The following PKN2 variants were observed in gnomAD, a reference collection of about 807,000 sequenced individuals.
PKN2 encodes serine/threonine-protein kinase N2.
Under a neutral mutation model 119.1 loss-of-function variants are expected in PKN2, and 38 were observed. The observed-to-expected ratio is 0.32, with a 90% CI of 0.25 to 0.42. The LOEUF (loss-of-function observed/expected upper bound fraction) is 0.42. Ranked by LOEUF, PKN2 falls within the 10% of genes least tolerant of loss-of-function variation. The pLI is 1.00. For synonymous variants in PKN2, 390 were observed against 384.9 expected (o/e 1.01, Z -0.15); for missense variants, 850 against 1,165.1 (o/e 0.73, Z 3.94).
At chr1:88,700,647 T>C (rs1474272057) in intron 1 of PKN2, among the ~76,000 whole-genome samples, 3 of 152,220 alleles carry the variant, frequency 2.0e-5, no homozygotes, top group African/African-American at 7.2e-5. Flanking sequence ...TTGTTGAACC[T>C]AAGCGTAAAA....
At position 88,720,210 on chromosome 1, in the gene PKN2, G is replaced by A. The variant is rs114041150; in HGVS notation, c.49-20778G>A. ...TAATTTTTGCAATTTTTGTAGAGAC[G>A]AGGTTTCACCATGTTGCCCAGGCTG... On this transcript the variant is annotated intron_variant, in intron 1 of 21. Transcript: ENST00000370521. 4.8e-3 allele frequency among the ~76,000 whole-genome samples: 730 copies of A among 152,130 alleles called. 3 individuals carry two copies. The highest frequency in any genetic ancestry group is 0.017 in the African/African-American group (685 of 41,500).
intron 1 of PKN2, among the ~76,000 whole-genome samples, chr1:88,722,083 A>G (rs564054253): frequency 1.3e-5 from 2 of 152,340 alleles, no homozygotes; most frequent in East Asian, 3.9e-4. Context: ...GGTAGGCTCT[A>G]GTACTTGTCT....
At chr1:88,749,977 A>T (rs1421000127) in intron 2 of PKN2, among the ~76,000 whole-genome samples, 1 of 152,194 alleles carries the variant, frequency 6.6e-6, no homozygotes, top group Non-Finnish European at 1.5e-5. Context: ...ATAAAGACCA[A>T]AGGTTATATC....
At chr1:88,814,119 T>A (rs1430792930) in intron 16 of PKN2, among the ~76,000 whole-genome samples, 1 of 152,152 alleles carries the variant, frequency 6.6e-6, no homozygotes, top group Non-Finnish European at 1.5e-5. Context: ...ATCATATATT[T>A]ATATAAAATA....
At chr1:88,700,595 A>G (rs1041967267) in intron 1 of PKN2, among the ~76,000 whole-genome samples, 2 of 152,158 alleles carry the variant, frequency 1.3e-5, no homozygotes, top group Admixed American at 1.3e-4. Context: ...TTAACATTAG[A>G]TCATTCCCTT....
intron 16 of PKN2, among the ~76,000 whole-genome samples, chr1:88,818,154 G>T (rs1485531280): frequency 6.6e-6 from 1 of 152,146 alleles, no homozygotes; most frequent in Non-Finnish European, 1.5e-5. Flanking sequence ...CAGCTTACAA[G>T]GGATGTGAAG....
At chr1:88,827,641 C>CCCCTA (rs1206353633) in intron 18 of PKN2, among the ~76,000 whole-genome samples, 24 of 115,294 alleles carry the variant, frequency 2.1e-4, no homozygotes, top group African/African-American at 1.0e-3. Context: ...TCCCTTCCCT[C>CCCCTA]CCCTCTTCTC....
chr1:88,795,453 A>T (rs1298025884), intron 8 of PKN2, among the ~76,000 whole-genome samples: 4 of 152,182 alleles, frequency 2.6e-5, no homozygotes, highest in Non-Finnish European at 5.9e-5. Context: ...CACAGACAAG[A>T]TTCTTGAAAA....
intron 1 of PKN2, among the ~76,000 whole-genome samples, chr1:88,739,268 T>C (rs188116726): frequency 6.6e-6 from 1 of 151,830 alleles, no homozygotes; most frequent in East Asian, 1.9e-4. Context: ...GGCCAAGAGT[T>C]TGAGATCAGC....
intron 16 of PKN2, among the ~76,000 whole-genome samples, chr1:88,819,991 CG>C (rs1672179328): frequency 6.7e-6 from 1 of 149,816 alleles, no homozygotes; most frequent in South Asian, 2.1e-4. Context: ...CATCACACAC[CG>C]GGGGTCGGGG....
chr1:88,825,941 C>G (rs1672483166), intron 18 of PKN2, among the ~76,000 whole-genome samples: 1 of 152,196 alleles, frequency 6.6e-6, no homozygotes, highest in Non-Finnish European at 1.5e-5. Context: ...CCCTCTAGCA[C>G]TGTCACCCAT....
chr1:88,834,291 C>T lies in PKN2; in HGVS notation c.*843C>T, dbSNP rs779058463. 6.6e-5 allele frequency: 10 copies of T among 152,304 alleles called. No homozygotes were observed. Among genetic ancestry groups the T allele is most frequent in the Non-Finnish European group, 1.5e-4 (10 of 67,912 alleles). The allele number at this position is 152,304 out of a possible 1,614,324, so 9.4% of individuals were successfully genotyped here. On this transcript the variant is annotated 3_prime_UTR_variant, in exon 22 of 22. Transcript: ENST00000370521. Reference sequence around the variant, plus strand: ...CTTTCAGAATCAGTGAACCGATTACCCTTTTTTTGGTATTCACTCTACATC... The same window carrying T: ...CTTTCAGAATCAGTGAACCGATTACTCTTTTTTTGGTATTCACTCTACATC...
intron 1 of PKN2, among the ~76,000 whole-genome samples, chr1:88,724,882 GTTTTTTTT>G (rs60507382): frequency 9.4e-6 from 1 of 106,012 alleles, no homozygotes; most frequent in South Asian, 3.1e-4. Context: ...CCACCCCTTG[GTTTTTTTT>G]TTTTTTTTTT....
intron 4 of PKN2, 97 bp downstream of exon 4, chr1:88,770,566 C>A: frequency 3.0e-6 from 2 of 657,610 alleles, no homozygotes; most frequent in South Asian, 2.1e-5. Flanking sequence ...AGGGAGGAAG[C>A]ATTACTATTA....
intron 15 of PKN2, among the ~76,000 whole-genome samples, chr1:88,808,841 A>G (rs1288321052): frequency 1.3e-5 from 2 of 152,198 alleles, no homozygotes; most frequent in Non-Finnish European, 2.9e-5. Flanking sequence ...GCCCTGGACT[A>G]TGACTGAGAA....
chr1:88,706,741 C>CT (rs201161454), intron 1 of PKN2, among the ~76,000 whole-genome samples: 3 of 152,082 alleles, frequency 2.0e-5, no homozygotes, highest in East Asian at 1.9e-4. Flanking sequence ...GGTTTTCCTT[C>CT]TTTTTTTAGC....
chr1:88,724,693 T>G (rs566511855), intron 1 of PKN2, among the ~76,000 whole-genome samples: 2 of 151,144 alleles, frequency 1.3e-5, no homozygotes, highest in Non-Finnish European at 2.9e-5. Flanking sequence ...TGCCCCAGCC[T>G]CCTGAGTAGC....
chr1:88,684,808 A>C, intron 1 of PKN2, 180 bp downstream of exon 1: 1 of 524,770 alleles, frequency 1.9e-6, no homozygotes, highest in Non-Finnish European at 3.3e-6. Context: ...GGGGAGCCGG[A>C]CCCTCTCCCC....
rs201403675 is a variant in PKN2, at chr1:88,833,131, G to A, written c.2725G>A (p.Asp909Asn). 2 of 1,612,990 alleles carry A rather than the reference G, an allele frequency of 1.2e-6. No individual in the cohort carries two copies. The highest frequency in any genetic ancestry group is 1.3e-5 in the African/African-American group (1 of 74,974). Residue 909 changes from aspartate to asparagine, a missense_variant, in exon 21 of 22, where the codon GAT becomes AAT. Physicochemically the swap from Asp to Asn is conservative, Grantham distance 23 (BLOSUM62 1). Transcript: ENST00000370521. The part of the protein sequence containing the change: ...RLGASEKDAE[D>N]VKKHPFFRLI... The stretch of plus-strand genomic sequence containing the variant: ...TGGGGCTAGCGAGAAAGATGCAGAG[G>A]ATGTAAAAAAGCACCCATTTTTCCG...
Sources: gnomAD v4.1 joint callset for allele counts (sites outside exome capture counted in the v4.1 genomes callset) on GRCh38, gnomAD v4.1.1 for gene constraint, MANE v1.5 for transcripts, NCBI Gene and HGNC (gene_info 2026-07-23, HGNC 2026-07-21) for gene names.